Variants in MYRIP observed in about 807,000 individuals in gnomAD.
The protein encoded by MYRIP is rab effector MyRIP.
MYRIP carries 49 observed loss-of-function variants against 98.0 expected under a neutral mutation model. The ratio of observed to expected loss-of-function variants is 0.50; its 90% CI spans 0.40 to 0.63. The LOEUF (loss-of-function observed/expected upper bound fraction) is 0.63. Ranked by LOEUF, MYRIP falls within the 30% of genes least tolerant of loss-of-function variation. MYRIP has a pLI of 0.00. For missense variants in MYRIP, 1,004 were observed against 1,058.2 expected (o/e 0.95, Z 0.71); for synonymous variants, 404 against 409.5 (o/e 0.99, Z 0.16).
At chr3:40,093,722 T>C (rs4234131) in intron 3 of MYRIP, among the ~76,000 whole-genome samples, 36,144 of 152,160 alleles carry the variant, frequency 0.24, 4,633 homozygotes, top group East Asian at 0.36. Flanking sequence ...AAGCTGGTCA[T>C]AGTTTACTTC....
chr3:40,184,598 CAAACAAACAAA>C (rs529081320), intron 9 of MYRIP, among the ~76,000 whole-genome samples: 6 of 152,108 alleles, frequency 3.9e-5, no homozygotes, highest in South Asian at 4.1e-4. Flanking sequence ...ACCATAAAAA[CAAACAAACAAA>C]AAACAAACAA....
intron 3 of MYRIP, among the ~76,000 whole-genome samples, chr3:40,090,727 C>T (rs539435909): frequency 8.5e-5 from 13 of 152,314 alleles, no homozygotes; most frequent in African/African-American, 3.1e-4. Flanking sequence ...GTAGTAAATG[C>T]TGACATTTTA....
At chr3:39,981,284 T>C (rs140321460) in intron 2 of MYRIP, among the ~76,000 whole-genome samples, 3 of 152,348 alleles carry the variant, frequency 2.0e-5, no homozygotes, top group East Asian at 1.9e-4. Flanking sequence ...TTGCCAAATA[T>C]AGTGGACTTC....
At chr3:40,203,957 TTATATACATTATATATATTATATATAA>T (rs1951673597) in intron 10 of MYRIP, among the ~76,000 whole-genome samples, 1 of 8,330 alleles carries the variant, frequency 1.2e-4, no homozygotes, top group East Asian at 3.1e-3. Flanking sequence ...ATATTATATA[TTATATACATTATATATATTATATATAA>T]TATATATTAT....
chr3:40,012,152 T>A (rs1411224194), intron 2 of MYRIP, among the ~76,000 whole-genome samples: 1 of 152,212 alleles, frequency 6.6e-6, no homozygotes, highest in East Asian at 1.9e-4. Context: ...GACAGATAAG[T>A]AGTTCTTTTT....
chr3:40,235,700 C>G (rs1240608997), intron 12 of MYRIP, among the ~76,000 whole-genome samples: 1 of 152,202 alleles, frequency 6.6e-6, no homozygotes, highest in Non-Finnish European at 1.5e-5. Context: ...TCTGAGGACC[C>G]TGACTTAGGT....
intron 2 of MYRIP, among the ~76,000 whole-genome samples, chr3:39,947,514 A>G (rs916428271): frequency 6.6e-6 from 1 of 152,216 alleles, no homozygotes; most frequent in African/African-American, 2.4e-5. Context: ...GGTACAAAGA[A>G]GATTAACATT....
chr3:39,955,174 A>C (rs1032752111), intron 2 of MYRIP, among the ~76,000 whole-genome samples: 3 of 152,184 alleles, frequency 2.0e-5, no homozygotes, highest in Non-Finnish European at 4.4e-5. Context: ...AATACAGAGA[A>C]TGCCACAAAG....
chr3:39,902,081 A>AT (rs1943755886), intron 2 of MYRIP, among the ~76,000 whole-genome samples: 1 of 152,192 alleles, frequency 6.6e-6, no homozygotes, highest in Non-Finnish European at 1.5e-5. Flanking sequence ...GGACGTCCCC[A>AT]AGGTTTTTTG....
chr3:39,990,949 G>T (rs6796838), intron 2 of MYRIP, among the ~76,000 whole-genome samples: 2 of 151,888 alleles, frequency 1.3e-5, no homozygotes, highest in South Asian at 4.2e-4. Context: ...GGAGTTGAAC[G>T]AAGAACACAT....
At chr3:40,159,398 C>T (rs573759197) in intron 4 of MYRIP, among the ~76,000 whole-genome samples, 1 of 152,212 alleles carries the variant, frequency 6.6e-6, no homozygotes, top group Non-Finnish European at 1.5e-5. Context: ...TTGAGGGTAA[C>T]TGGACCTTTC....
chr3:39,897,626 C>G (rs1943642893), intron 1 of MYRIP, among the ~76,000 whole-genome samples: 1 of 152,148 alleles, frequency 6.6e-6, no homozygotes, highest in Admixed American at 6.5e-5. Context: ...ATGAGATTGT[C>G]ATACCTATGT....
chr3:39,878,746 TACTA>T (rs1943081137), intron 1 of MYRIP, among the ~76,000 whole-genome samples: 2 of 152,118 alleles, frequency 1.3e-5, no homozygotes, highest in African/African-American at 4.8e-5. Context: ...TGATGAAAAA[TACTA>T]CAACTTCTTT....
intron 2 of MYRIP, among the ~76,000 whole-genome samples, chr3:39,985,977 G>C (rs1001002155): frequency 6.6e-6 from 1 of 152,092 alleles, no homozygotes; most frequent in Non-Finnish European, 1.5e-5. Context: ...TTAAACTAAA[G>C]AGCTTCTGCA....
At chr3:39,942,101 T>C (rs557285891) in intron 2 of MYRIP, among the ~76,000 whole-genome samples, 1 of 152,268 alleles carries the variant, frequency 6.6e-6, no homozygotes, top group South Asian at 2.1e-4. Flanking sequence ...TTACTGTAAA[T>C]TAAGCAAATA....
At chr3:40,254,098 G>A (rs1274039085) in intron 16 of MYRIP, among the ~76,000 whole-genome samples, 4 of 152,182 alleles carry the variant, frequency 2.6e-5, no homozygotes, top group African/African-American at 9.7e-5. Context: ...TATACAGAAA[G>A]GACTGTTGGC....
chr3:40,111,222 G>A (rs1221432297), intron 3 of MYRIP, among the ~76,000 whole-genome samples: 1 of 152,162 alleles, frequency 6.6e-6, no homozygotes, highest in Non-Finnish European at 1.5e-5. Context: ...GGAGGAAGTT[G>A]TTTAGCAGAA....
chr3:39,939,983 T>C (rs1247518257), intron 2 of MYRIP, among the ~76,000 whole-genome samples: 1 of 151,768 alleles, frequency 6.6e-6, no homozygotes, highest in Non-Finnish European at 1.5e-5. Flanking sequence ...TTTATCTGTT[T>C]ATCCTAATTC....
intron 3 of MYRIP, among the ~76,000 whole-genome samples, chr3:40,082,398 C>G (rs1479828907): frequency 6.6e-6 from 1 of 152,206 alleles, no homozygotes; most frequent in Non-Finnish European, 1.5e-5. Flanking sequence ...TCAGTGCTCC[C>G]TGCCAGTCTG....
Sources: allele counts gnomAD v4.1 joint callset (sites outside exome capture counted in the v4.1 genomes callset), GRCh38; gene constraint gnomAD v4.1.1; transcripts MANE v1.5; gene names NCBI Gene and HGNC (gene_info 2026-07-23, HGNC 2026-07-21).